The following TRRAP variants were observed in gnomAD, a reference collection of about 807,000 sequenced individuals.
The protein encoded by TRRAP is transformation/transcription domain associated protein.
A neutral mutation model predicts 438.8 loss-of-function variants in TRRAP; 41 were observed. The observed-to-expected ratio is 0.09, with a 90% CI of 0.07 to 0.12. The LOEUF (loss-of-function observed/expected upper bound fraction) is 0.12, where lower values mean the gene tolerates loss of function less well. Ranked by LOEUF, TRRAP falls within the 10% of genes least tolerant of loss-of-function variation. TRRAP has a pLI of 1.00. For missense variants in TRRAP, 3,122 were observed against 5,055.1 expected (o/e 0.62, Z 11.60); for synonymous variants, 1,994 against 1,962.9 (o/e 1.02, Z -0.42).
At chr7:98,897,468 T>TG (rs1796269843) in intron 7 of TRRAP, among the ~76,000 whole-genome samples, 1 of 152,186 alleles carries the variant, frequency 6.6e-6, no homozygotes, top group Non-Finnish European at 1.5e-5. Flanking sequence ...CTTCTGTTGT[T>TG]GAAGATGGAG....
Position 98,911,207 on chromosome 7 carries a change from A to G in TRRAP, c.1943A>G (p.Lys648Arg). 6.2e-7 allele frequency: 1 copy of G among 1,614,256 alleles called. No individual in the cohort carries two copies. The highest frequency in any genetic ancestry group is 8.5e-7 in the Non-Finnish European group (1 of 1,180,040). Residue 648 changes from lysine (K) to arginine (R), a missense_variant, in exon 17 of 73, where the codon AAA (lysine) becomes AGA (arginine). Physicochemically the swap from Lys to Arg is conservative, Grantham distance 26. Coordinates refer to ENST00000456197, the MANE Select transcript of TRRAP (RefSeq NM_001375524.1). ...ACAATGATGAACCCCTTAACGTTCA[A>G]AGAAATCTTCCAAACTACGGTCCCT... ...VFTMMNPLTFKEIFQTTVPYM... is the reference protein window; with the variant it reads ...VFTMMNPLTFREIFQTTVPYM...
chr7:98,904,599 C>A (rs1441812861), intron 12 of TRRAP, among the ~76,000 whole-genome samples: 1 of 151,960 alleles, frequency 6.6e-6, no homozygotes, highest in East Asian at 1.9e-4. Context: ...AATCAGTGTT[C>A]ACAGCTGCTA....
intron 31 of TRRAP, among the ~76,000 whole-genome samples, chr7:98,943,753 G>A (rs73155638): frequency 0.028 from 4,185 of 152,140 alleles, 83 homozygotes; most frequent in South Asian, 0.055. Context: ...TGCTGTCCTC[G>A]CAGTGGAATT....
chr7:98,896,481 C>T (rs1370828537), intron 7 of TRRAP, among the ~76,000 whole-genome samples: 1 of 152,024 alleles, frequency 6.6e-6, no homozygotes, highest in East Asian at 1.9e-4. Flanking sequence ...GTGATCTCTG[C>T]TCACCGCAGC....
chr7:98,951,478 C>T (rs150968983), intron 39 of TRRAP, among the ~76,000 whole-genome samples: 350 of 152,234 alleles, frequency 2.3e-3, no homozygotes, highest in African/African-American at 7.1e-3. Flanking sequence ...GAAATGAGCT[C>T]GGTTTTAATA....
chr7:98,882,964 G>A (rs781841621), intron 3 of TRRAP, among the ~76,000 whole-genome samples: 1 of 152,178 alleles, frequency 6.6e-6, no homozygotes, highest in African/African-American at 2.4e-5. Flanking sequence ...CGGCCGAGAT[G>A]CACTCAGATT....
intron 63 of TRRAP, 73 bp downstream of exon 63, chr7:98,989,039 G>A (rs1793274641): frequency 6.6e-7 from 1 of 1,506,218 alleles, no homozygotes; most frequent in Non-Finnish European, 9.0e-7. Flanking sequence ...TTTAGCTATA[G>A]TTTACTCATC....
At chr7:98,906,660 T>C (rs1228201240) in intron 13 of TRRAP, among the ~76,000 whole-genome samples, 1 of 151,976 alleles carries the variant, frequency 6.6e-6, no homozygotes, top group East Asian at 1.9e-4. Context: ...CTTGAACTCC[T>C]GACCTCAGGT....
At chr7:98,907,771 C>T (rs1485641507) in intron 13 of TRRAP, among the ~76,000 whole-genome samples, 1 of 150,908 alleles carries the variant, frequency 6.6e-6, no homozygotes, top group Non-Finnish European at 1.5e-5. Flanking sequence ...CAATCTGCTG[C>T]AGCACGCCGC....
At chr7:98,937,411 A>G in intron 29 of TRRAP, 134 bp downstream of exon 29, 1 of 1,305,192 alleles carries the variant, frequency 7.7e-7, no homozygotes, top group East Asian at 2.5e-5. Flanking sequence ...TGTGGTTATT[A>G]CACACTAAAC....
At chr7:98,996,460 TCAGCACATGAGTGATTG>T (rs1202753654) in intron 67 of TRRAP, among the ~76,000 whole-genome samples, 7 of 152,222 alleles carry the variant, frequency 4.6e-5, no homozygotes, top group African/African-American at 1.4e-4. Context: ...CTCTCAAGTG[TCAGCACATGAGTGATTG>T]CAGCACATGA....
intron 5 of TRRAP, 92 bp from the exon 6 acceptor site, chr7:98,893,706 T>G: frequency 9.0e-7 from 1 of 1,105,744 alleles, no homozygotes; most frequent in Non-Finnish European, 1.3e-6. Flanking sequence ...AATAGTTGGT[T>G]GATGGAAAGT....
At position 98,990,633 on chromosome 7, in the gene TRRAP, G is replaced by A. The variant is rs78509173; in HGVS notation, c.9756+14G>A. On this transcript the variant is annotated intron_variant, in intron 64 of 72. Transcript: ENST00000456197. ...CTCATTAGCCAGGTGGGAAGAGCAG[G>A]GTGGCCTTGTTCACGTGCACAAAAC... 1.9e-6 allele frequency: 3 copies of A among 1,600,086 alleles called. No individual in the cohort carries two copies. The highest frequency in any genetic ancestry group is 1.7e-4 in the Middle Eastern group (1 of 6,014).
intron 12 of TRRAP, among the ~76,000 whole-genome samples, chr7:98,905,906 G>C (rs1384480449): frequency 1.3e-5 from 2 of 152,108 alleles, no homozygotes; most frequent in African/African-American, 4.8e-5. Context: ...TCTCTGCCAG[G>C]GGACACCAAG....
chr7:98,967,595 A>G lies in TRRAP; in HGVS notation c.7409A>G (p.Asp2470Gly), dbSNP rs753472959. 6.2e-7 allele frequency: 1 copy of G among 1,614,032 alleles called. No individual in the cohort carries two copies. Among genetic ancestry groups the G allele is most frequent in the Admixed American group, 1.7e-5 (1 of 59,994 alleles). The part of the protein sequence containing the change: ...LIRAKFFEVF[D>G]NSMKRRVYER... The stretch of plus-strand genomic sequence containing the variant: ...AGGGCAAAGTTTTTCGAGGTTTTTG[A>G]CAACTCCATGAAACGTCGTGTCTAC... The change falls in exon 51 of 73, where the codon GAC becomes GGC. Residue 2470 changes from aspartate (D) to glycine (G), a missense_variant. Around this residue, in one of 24 missense-constraint regions of TRRAP, gnomAD observed 992 missense variants for 1,281.2 expected, o/e 0.77. Transcript: ENST00000456197.
At chr7:98,927,877 G>A (rs1554411864) in intron 23 of TRRAP, among the ~76,000 whole-genome samples, 1 of 151,892 alleles carries the variant, frequency 6.6e-6, no homozygotes, top group Non-Finnish European at 1.5e-5. Flanking sequence ...CACACTCTTG[G>A]TGGTGAAGGG....
intron 62 of TRRAP, among the ~76,000 whole-genome samples, chr7:98,986,675 T>A (rs1793163570): frequency 6.6e-6 from 1 of 152,220 alleles, no homozygotes. Flanking sequence ...TTTGATAGTG[T>A]CCTTTAATGT....
chr7:98,880,522 A>G (rs781800310), intron 1 of TRRAP, among the ~76,000 whole-genome samples: 2 of 152,106 alleles, frequency 1.3e-5, no homozygotes, highest in East Asian at 1.9e-4. Flanking sequence ...TTCGCCTTCC[A>G]AAGTGCTGGG....
At chr7:98,946,665 A>G (rs1329431535) in intron 33 of TRRAP, among the ~76,000 whole-genome samples, 2 of 149,042 alleles carry the variant, frequency 1.3e-5, no homozygotes, top group African/African-American at 5.0e-5. Flanking sequence ...TGCACACACA[A>G]CACACATGCA....
Sources: gnomAD v4.1 joint callset for allele counts (sites outside exome capture counted in the v4.1 genomes callset) on GRCh38, gnomAD v4.1.1 for gene constraint, gnomAD v4.1.1 regional missense constraint, MANE v1.5 for transcripts, NCBI Gene and HGNC (gene_info 2026-07-23, HGNC 2026-07-21) for gene names.